The following NEK6 variants were observed in gnomAD, a reference collection of about 807,000 sequenced individuals.
NEK6 encodes the protein serine/threonine-protein kinase Nek6.
A neutral mutation model predicts 43.5 loss-of-function variants in NEK6; 27 were observed. That is an observed-to-expected ratio of 0.62 (90% CI 0.46 to 0.86). NEK6 has a LOEUF of 0.86. NEK6 is among the 40% of genes least tolerant of loss of function. NEK6 has a pLI of 0.00. For synonymous variants in NEK6, 167 were observed against 164.1 expected (o/e 1.02, Z -0.14); for missense variants, 318 against 414.4 (o/e 0.77, Z 2.02).
chr9:124,261,444 A>G, intron 1 of NEK6: 2 of 985,414 alleles, frequency 2.0e-6, no homozygotes, highest in Non-Finnish European at 2.4e-6. Context: ...AAGATTAAAT[A>G]CGGGCAGGCA....
intron 2 of NEK6, among the ~76,000 whole-genome samples, chr9:124,307,600 C>A (rs1754833596): frequency 2.0e-5 from 3 of 152,228 alleles, no homozygotes; most frequent in South Asian, 4.1e-4. Context: ...CCCCCGGCCC[C>A]TCGATCAGTC....
chr9:124,342,653 G>T (rs1440631949), intron 8 of NEK6, among the ~76,000 whole-genome samples: 1 of 152,248 alleles, frequency 6.6e-6, no homozygotes, highest in Non-Finnish European at 1.5e-5. Flanking sequence ...TTGGCCAGCG[G>T]GAAGCCAAAG....
At chr9:124,330,186 C>T (rs1828900142) in intron 7 of NEK6, among the ~76,000 whole-genome samples, 1 of 152,198 alleles carries the variant, frequency 6.6e-6, no homozygotes, top group African/African-American at 2.4e-5. Context: ...GAGTGGCTGC[C>T]TCGGTGTCAG....
intron 4 of NEK6, among the ~76,000 whole-genome samples, chr9:124,319,748 G>A (rs562909379): frequency 2.0e-5 from 3 of 152,184 alleles, no homozygotes; most frequent in Non-Finnish European, 2.9e-5. Flanking sequence ...TCAGGTGGTT[G>A]TAGGTATGCT....
At chr9:124,290,456 C>A (rs1003507138) in intron 1 of NEK6, among the ~76,000 whole-genome samples, 2 of 152,256 alleles carry the variant, frequency 1.3e-5, no homozygotes, top group African/African-American at 4.8e-5. Flanking sequence ...TGTCAGGTGG[C>A]GGAGCCTCGG....
intron 2 of NEK6, among the ~76,000 whole-genome samples, chr9:124,302,912 G>T (rs1394852086): frequency 6.6e-6 from 1 of 152,274 alleles, no homozygotes; most frequent in Non-Finnish European, 1.5e-5. Context: ...GGGGCCCCGC[G>T]TGCTCGCTGA....
rs1436656554 is a variant in NEK6 at position 124,258,097 on chromosome 9, G to T, written c.-30+12G>T. 38 of 979,088 alleles carry T rather than the reference G, an allele frequency of 3.9e-5. No individual in the cohort carries two copies. The African/African-American group carries it at 6.2e-4, about 16-fold the overall frequency. The allele number at this position is 979,088 out of a possible 1,614,324, so 60.7% of individuals were successfully genotyped here. On this transcript the variant is annotated intron_variant, in intron 1 of 9. Coordinates refer to ENST00000320246, the MANE Select transcript of NEK6 (RefSeq NM_014397.6). ...CCGCCCGCGCGCCGGTGAGTCGCCT[G>T]GGGCTGGGGCCGGGCCGGTGGGGCC... is the stretch of plus-strand genomic sequence containing the variant.
At chr9:124,293,796 G>A (rs1000446852) in intron 1 of NEK6, among the ~76,000 whole-genome samples, 2 of 152,316 alleles carry the variant, frequency 1.3e-5, no homozygotes, top group Non-Finnish European at 2.9e-5. Flanking sequence ...ACAGATGACC[G>A]CGAAGGTCAG....
At chr9:124,270,416 G>A (rs1163139000) in intron 1 of NEK6, among the ~76,000 whole-genome samples, 1 of 152,180 alleles carries the variant, frequency 6.6e-6, no homozygotes, top group Non-Finnish European at 1.5e-5. Flanking sequence ...TCCCCAGAGT[G>A]GGAGGGGAAG....
chr9:124,306,321 C>T (rs781381236), intron 2 of NEK6, among the ~76,000 whole-genome samples: 12 of 152,098 alleles, frequency 7.9e-5, no homozygotes, highest in Non-Finnish European at 1.8e-4. Flanking sequence ...TAGCTTTTTC[C>T]AGACTCTGTT....
At chr9:124,332,919 G>C (rs1457056306) in intron 7 of NEK6, among the ~76,000 whole-genome samples, 3 of 152,254 alleles carry the variant, frequency 2.0e-5, no homozygotes, top group Middle Eastern at 3.4e-3. Flanking sequence ...AAGAGGAGGG[G>C]GCGGTGGGAG....
At chr9:124,296,823 C>T (rs1487533124) in intron 1 of NEK6, among the ~76,000 whole-genome samples, 1 of 152,222 alleles carries the variant, frequency 6.6e-6, no homozygotes, top group Non-Finnish European at 1.5e-5. Flanking sequence ...GAATGACTTC[C>T]CCCTAGGTGA....
At chr9:124,297,522 A>G (rs1247820401) in intron 1 of NEK6, among the ~76,000 whole-genome samples, 1 of 152,158 alleles carries the variant, frequency 6.6e-6, no homozygotes, top group Non-Finnish European at 1.5e-5. Flanking sequence ...GTGCCTGGGG[A>G]CACACAGCAC....
intron 8 of NEK6, among the ~76,000 whole-genome samples, chr9:124,344,556 C>T (rs900398952): frequency 2.0e-5 from 3 of 152,342 alleles, no homozygotes; most frequent in East Asian, 1.9e-4. Context: ...GGGGAGCCCC[C>T]GGTGGGAGCT....
chr9:124,262,550 ACAGGTCTTCTAGC>A (rs1043142387), intron 1 of NEK6, among the ~76,000 whole-genome samples: 2 of 152,238 alleles, frequency 1.3e-5, no homozygotes, highest in African/African-American at 4.8e-5. Context: ...TGGTAAAGGC[ACAGGTCTTCTAGC>A]CAGGCCTTCT....
At chr9:124,293,929 G>C (rs949669187) in intron 1 of NEK6, among the ~76,000 whole-genome samples, 2 of 151,118 alleles carry the variant, frequency 1.3e-5, no homozygotes, top group African/African-American at 4.9e-5. Flanking sequence ...AAGGGAAGAA[G>C]GGGCCTTGGT....
chr9:124,339,101 T>C (rs1027937990), intron 7 of NEK6, among the ~76,000 whole-genome samples: 5 of 147,194 alleles, frequency 3.4e-5, no homozygotes, highest in African/African-American at 1.3e-4. Flanking sequence ...CAATCTTGGC[T>C]CTCTGCAGCC....
chr9:124,321,606 G>T (rs201017045), intron 5 of NEK6, 37 bp downstream of exon 5: 2 of 1,323,586 alleles, frequency 1.5e-6, no homozygotes. Context: ...TGGGGGCTGC[G>T]CAGATCTGGA....
At chr9:124,345,786 C>T (rs1009788676) in intron 8 of NEK6, among the ~76,000 whole-genome samples, 4 of 152,224 alleles carry the variant, frequency 2.6e-5, no homozygotes, top group African/African-American at 9.6e-5. Flanking sequence ...CCCCAGGTGA[C>T]CGTCCTGGAG....
Sources: allele counts gnomAD v4.1 joint callset (sites outside exome capture counted in the v4.1 genomes callset), GRCh38; gene constraint gnomAD v4.1.1; transcripts MANE v1.5; gene names NCBI Gene and HGNC (gene_info 2026-07-23, HGNC 2026-07-21).